Variants in MSI2 observed in about 807,000 individuals in gnomAD.
MSI2 encodes the protein musashi RNA binding protein 2.
In MSI2, 17 loss-of-function variants were observed where a neutral mutation model predicts 45.6. The observed-to-expected ratio is 0.37, with a 90% CI of 0.26 to 0.56. The LOEUF (loss-of-function observed/expected upper bound fraction) is 0.56, where lower values mean the gene tolerates loss of function less well. Among genes scored for constraint, MSI2 ranks in the 20% least tolerant of loss-of-function variants. The pLI is 0.77. For synonymous variants in MSI2, 156 were observed against 158.2 expected (o/e 0.99, Z 0.11); for missense variants, 293 against 444.2 (o/e 0.66, Z 3.06).
chr17:57,283,777 C>A (rs544083887), intron 5 of MSI2, among the ~76,000 whole-genome samples: 2 of 152,224 alleles, frequency 1.3e-5, no homozygotes, highest in African/African-American at 4.8e-5. Flanking sequence ...GAAGACCACA[C>A]GCGCACGCGC....
At chr17:57,658,036 C>T (rs1196713190) in intron 11 of MSI2, among the ~76,000 whole-genome samples, 1 of 152,200 alleles carries the variant, frequency 6.6e-6, no homozygotes, top group Non-Finnish European at 1.5e-5. Context: ...TCAATGTGTG[C>T]CTTCATTTCT....
intron 6 of MSI2, among the ~76,000 whole-genome samples, chr17:57,447,701 G>A (rs192129560): frequency 1.3e-5 from 2 of 152,236 alleles, no homozygotes; most frequent in East Asian, 3.9e-4. Flanking sequence ...CCCCTGAGGA[G>A]TGCACGACCC....
intron 9 of MSI2, among the ~76,000 whole-genome samples, chr17:57,623,925 G>A (rs1908546106): frequency 6.6e-6 from 1 of 152,192 alleles, no homozygotes; most frequent in Non-Finnish European, 1.5e-5. Context: ...AGGATGTTCG[G>A]CGATTGGGGG....
At chr17:57,565,221 T>C (rs2087699023) in intron 7 of MSI2, among the ~76,000 whole-genome samples, 1 of 152,212 alleles carries the variant, frequency 6.6e-6, no homozygotes, top group African/African-American at 2.4e-5. Context: ...TGTGCCTAGA[T>C]AGCACTGATG....
intron 8 of MSI2, among the ~76,000 whole-genome samples, chr17:57,615,056 A>G (rs1271927824): frequency 6.6e-6 from 1 of 151,648 alleles, no homozygotes; most frequent in Non-Finnish European, 1.5e-5. Context: ...TTGCTGACCT[A>G]GAAATTCTAA....
chr17:57,381,355 C>T (rs901306413), intron 5 of MSI2, among the ~76,000 whole-genome samples: 3 of 152,128 alleles, frequency 2.0e-5, no homozygotes, highest in Non-Finnish European at 4.4e-5. Flanking sequence ...CGTGAGCCAC[C>T]GTGCCTGGCC....
Position 57,676,850 on chromosome 17 carries a change from A to G in MSI2, c.946-137A>G, listed in dbSNP as rs1460296916. 1.3e-5 allele frequency: 9 copies of G among 715,478 alleles called. No individual in the cohort carries two copies. In the Middle Eastern group the frequency reaches 9.5e-4, roughly 76 times the overall value. The allele number at this position is 715,478 out of a possible 1,614,324, so 44.3% of individuals were successfully genotyped here. A position where few individuals can be genotyped will look rare whatever the true frequency, so the allele number is the denominator to read the frequency against. ...GAGGAGGATGTCATCCTGGCCCCTC[A>G]TGGCACGGTGTCTCAGAATTACATA... is the stretch of plus-strand genomic sequence containing the variant. On this transcript the variant is annotated intron_variant, in intron 12 of 13. Transcript: ENST00000284073.
chr17:57,689,183 T>TC (rs1157044985), downstream of MSI2, among the ~76,000 whole-genome samples: 3 of 122,992 alleles, frequency 2.4e-5, no homozygotes, highest in Admixed American at 2.5e-4. Context: ...TTTTCTCTTT[T>TC]TTTTTAATTG....
chr17:57,527,696 A>G (rs1326371559), intron 6 of MSI2, among the ~76,000 whole-genome samples: 1 of 152,240 alleles, frequency 6.6e-6, no homozygotes, highest in African/African-American at 2.4e-5. Flanking sequence ...TTGGTTGCTT[A>G]GCAACAAAAG....
chr17:57,604,358 T>G (rs997374538), intron 8 of MSI2, among the ~76,000 whole-genome samples: 9 of 152,058 alleles, frequency 5.9e-5, no homozygotes, highest in Admixed American at 1.3e-4. Context: ...AAATAAAGAG[T>G]TAGCAGGTAA....
rs146791936 is a variant in MSI2 at position 57,491,835 on chromosome 17, A to G, written c.406-37841A>G. On this transcript the variant is annotated intron_variant, in intron 6 of 13. Coordinates refer to ENST00000284073, the MANE Select transcript of MSI2 (RefSeq NM_138962.4). ...TTCCTGCTGTTCATTCAACCTTTCTAGCCTGGCAGCTTTGCCTCAGTTTTC... is the reference window on the plus strand; with the variant it reads ...TTCCTGCTGTTCATTCAACCTTTCTGGCCTGGCAGCTTTGCCTCAGTTTTC... 1.4e-3 allele frequency among the ~76,000 whole-genome samples: 209 copies of G among 152,300 alleles called. 3 individuals carry two copies. Among genetic ancestry groups the G allele is most frequent in the African/African-American group, 4.8e-3 (199 of 41,572 alleles).
chr17:57,470,922 A>G (rs528329343), intron 6 of MSI2, among the ~76,000 whole-genome samples: 10 of 152,228 alleles, frequency 6.6e-5, no homozygotes, highest in Admixed American at 2.0e-4. Flanking sequence ...AGGTTAAGTG[A>G]CTTGCTAGTA....
intron 5 of MSI2, among the ~76,000 whole-genome samples, chr17:57,398,797 C>T (rs547125823): frequency 1.7e-4 from 26 of 152,292 alleles, no homozygotes; most frequent in African/African-American, 6.0e-4. Context: ...TCCGGCACCT[C>T]GCACTTAATG....
intron 6 of MSI2, among the ~76,000 whole-genome samples, chr17:57,515,537 C>T (rs2086453470): frequency 6.6e-6 from 1 of 152,116 alleles, no homozygotes; most frequent in African/African-American, 2.4e-5. Context: ...CCTCCAAAAT[C>T]TTCCTGAAAC....
At chr17:57,511,616 G>C (rs1184614341) in intron 6 of MSI2, among the ~76,000 whole-genome samples, 1 of 148,188 alleles carries the variant, frequency 6.7e-6, no homozygotes, top group African/African-American at 2.6e-5. Context: ...TTGATGCAGC[G>C]TACTAACCCC....
In MSI2 at chr17:57,682,329, C is replaced by CA. The variant is rs1555643219; in HGVS notation, c.*2813dup. On this transcript the variant is annotated 3_prime_UTR_variant, in exon 14 of 14. Coordinates refer to ENST00000284073, the MANE Select transcript of MSI2 (RefSeq NM_138962.4). ...GGCGTTTTGTAGATCCCCCCCCCCCCACCCACTGTGAAGGGGTGCCATACT... is the reference window on the plus strand; with the variant it reads ...GGCGTTTTGTAGATCCCCCCCCCCCCAACCCACTGTGAAGGGGTGCCATACT... 1.7e-5 allele frequency: 3 copies of CA among 175,490 alleles called. No homozygotes were observed. Among genetic ancestry groups the CA allele is most frequent in the Non-Finnish European group, 3.6e-5 (3 of 83,148 alleles). 10.9% of individuals were successfully genotyped at this position (175,490 alleles called of 1,614,324 possible). A position where few individuals can be genotyped will look rare whatever the true frequency, so the allele number is the denominator to read the frequency against.
intron 5 of MSI2, among the ~76,000 whole-genome samples, chr17:57,297,172 G>A (rs1316142522): frequency 6.7e-6 from 1 of 148,556 alleles, no homozygotes; most frequent in Non-Finnish European, 1.5e-5. Context: ...CACCATGCTG[G>A]GCCCAGTTTT....
At chr17:57,413,420 GAA>G (rs1284876500) in intron 6 of MSI2, among the ~76,000 whole-genome samples, 2 of 150,010 alleles carry the variant, frequency 1.3e-5, no homozygotes, top group African/African-American at 5.1e-5. Flanking sequence ...TGGCTTTGAT[GAA>G]AGAGTTGAAC....
intron 7 of MSI2, among the ~76,000 whole-genome samples, chr17:57,580,772 C>T (rs1413709014): frequency 6.6e-6 from 1 of 152,170 alleles, no homozygotes; most frequent in Non-Finnish European, 1.5e-5. Flanking sequence ...AGTTCAAATA[C>T]ACTTCCAAAT....
Sources: allele counts gnomAD v4.1 joint callset (sites outside exome capture counted in the v4.1 genomes callset), GRCh38; gene constraint gnomAD v4.1.1; transcripts MANE v1.5; gene names NCBI Gene and HGNC (gene_info 2026-07-23, HGNC 2026-07-21).